HEATR5A: variants seen among roughly 807,000 people sequenced by gnomAD.
The protein encoded by HEATR5A is HEAT repeat-containing protein 5A.
HEATR5A carries 178 observed loss-of-function variants against 218.8 expected under a neutral mutation model. The observed-to-expected ratio is 0.81, with a 90% CI of 0.72 to 0.92. HEATR5A has a LOEUF of 0.92. Among genes scored for constraint, HEATR5A ranks in the 40% least tolerant of loss-of-function variants. HEATR5A has a pLI of 0.00. For synonymous variants in HEATR5A, 864 were observed against 871.6 expected (o/e 0.99, Z 0.15); for missense variants, 2,420 against 2,418.9 (o/e 1.00, Z -0.01).
rs1407357877 is a variant in HEATR5A, at chr14:31,304,964, C to A, written c.5180G>T (p.Arg1727Ile). ...GATAACCAATGCAGCTGAAACCAAT[C>A]TACTTCCATCTTCTAATAGTATCTG... is the stretch of plus-strand genomic sequence containing the variant. ...KPQILLEDGS[R>I]LVSAALVILS... Residue 1727 changes from arginine to isoleucine, a missense_variant, in exon 32 of 36, where the codon AGA becomes ATA. Arg to Ile is a moderately conservative substitution (Grantham distance 97). Coordinates refer to ENST00000543095, the MANE Select transcript of HEATR5A (RefSeq NM_015473.4). The A allele has an allele frequency of 6.2e-7, 1 of 1,614,028 alleles. No individual in the cohort carries two copies. Among genetic ancestry groups the A allele is most frequent in the Non-Finnish European group, 8.5e-7 (1 of 1,179,878 alleles).
chr14:31,347,965 A>T (rs1901075963), intron 18 of HEATR5A, 58 bp from the exon 19 acceptor site: 6 of 1,116,628 alleles, frequency 5.4e-6, no homozygotes, highest in Non-Finnish European at 6.0e-6. Context: ...AAAACACAAA[A>T]ACTAATGCAT....
At chr14:31,383,089 T>C (rs1042877782) in intron 10 of HEATR5A, among the ~76,000 whole-genome samples, 6 of 152,114 alleles carry the variant, frequency 3.9e-5, no homozygotes, top group African/African-American at 1.2e-4. Context: ...CTTTTCACTG[T>C]ACAAAAGGAG....
At chr14:31,359,285 A>AGTGTGTGTGTGTGTGTGT (rs1901535212) in intron 14 of HEATR5A, among the ~76,000 whole-genome samples, 2 of 12,570 alleles carry the variant, frequency 1.6e-4, no homozygotes, top group African/African-American at 3.0e-4. Flanking sequence ...TCAAAGTGTA[A>AGTGTGTGTGTGTGTGTGT]GAGTGTGTGT....
chr14:31,407,534 T>C (rs541195504), intron 1 of HEATR5A, among the ~76,000 whole-genome samples: 1 of 120,102 alleles, frequency 8.3e-6, no homozygotes, highest in South Asian at 2.6e-4. Flanking sequence ...CTAAGCAAAC[T>C]GTTCCAAGGA....
rs536393624 is a variant in HEATR5A at position 31,365,582 on chromosome 14, G to A, written c.1962-1284C>T. Among the ~76,000 whole-genome samples, 9 of 151,408 alleles carry A rather than the reference G, an allele frequency of 5.9e-5. No homozygotes were observed. In the East Asian group the frequency reaches 1.4e-3, roughly 23 times the overall value. On this transcript the variant is annotated intron_variant, in intron 13 of 35. Transcript: ENST00000543095. ...TCACCATGTTAGCCAGGATGGTCTC[G>A]ATCTCCTGACCTCGTGATGCACCCA...
intron 34 of HEATR5A, 68 bp from the exon 35 acceptor site, chr14:31,294,172 T>C (rs1474930637): frequency 4.7e-6 from 5 of 1,074,992 alleles, no homozygotes; most frequent in Middle Eastern, 2.9e-4. Flanking sequence ...TGAGGACTCT[T>C]TGCTTTTTAA....
intron 14 of HEATR5A, among the ~76,000 whole-genome samples, chr14:31,363,778 C>T (rs1265782403): frequency 3.3e-5 from 5 of 152,060 alleles, no homozygotes; most frequent in African/African-American, 4.8e-5. Flanking sequence ...CCCAGGAATT[C>T]GAGACCAGCT....
intron 32 of HEATR5A, chr14:31,302,840 C>T: frequency 4.0e-6 from 1 of 249,356 alleles, no homozygotes. Flanking sequence ...ATATATACAA[C>T]ATAAAGTTTA....
chr14:31,393,519 A>T (rs1488904964), intron 6 of HEATR5A, among the ~76,000 whole-genome samples: 3 of 152,198 alleles, frequency 2.0e-5, no homozygotes, highest in African/African-American at 7.2e-5. Flanking sequence ...CACACAAAAA[A>T]GCTGTAATGT....
rs2030466888 is a variant in HEATR5A, at chr14:31,391,856, CA to C, written c.772+2195del. On this transcript the variant is annotated intron_variant, in intron 6 of 35. Coordinates refer to ENST00000543095, the MANE Select transcript of HEATR5A (RefSeq NM_015473.4). ...GCTGTAGAGGTGTGTAGTCTAAGAG[CA>C]ATAGTCTATACCATATAGCCTAGTG... 3.3e-5 allele frequency among the ~76,000 whole-genome samples: 5 copies of C among 152,256 alleles called. No individual in the cohort carries two copies. The South Asian group carries it at 1.0e-3, about 32-fold the overall frequency.
chr14:31,337,675 AATAG>A, intron 21 of HEATR5A, 61 bp from the exon 22 acceptor site: 1 of 1,449,834 alleles, frequency 6.9e-7, no homozygotes, highest in African/African-American at 1.4e-5. Flanking sequence ...CAGTGAGTCT[AATAG>A]ATATTCACTG....
intron 22 of HEATR5A, among the ~76,000 whole-genome samples, chr14:31,335,002 T>C (rs1900605948): frequency 6.6e-6 from 1 of 150,874 alleles, no homozygotes; most frequent in South Asian, 2.1e-4. Context: ...CTCAAACCTT[T>C]AGCAACCACC....
intron 22 of HEATR5A, among the ~76,000 whole-genome samples, chr14:31,332,637 A>G (rs1292710146): frequency 1.3e-5 from 2 of 152,230 alleles, no homozygotes; most frequent in African/African-American, 4.8e-5. Flanking sequence ...TCCAGTGAAC[A>G]CACAAATGAT....
intron 1 of HEATR5A, among the ~76,000 whole-genome samples, chr14:31,416,797 T>G (rs529539399): frequency 6.6e-6 from 1 of 152,222 alleles, no homozygotes; most frequent in South Asian, 2.1e-4. Flanking sequence ...ATCACTAGAT[T>G]CCTGTTTAAA....
chr14:31,379,710 T>C (rs2139270473), intron 11 of HEATR5A, among the ~76,000 whole-genome samples: 1 of 152,252 alleles, frequency 6.6e-6, no homozygotes, highest in South Asian at 2.1e-4. Flanking sequence ...TGCCAACACT[T>C]TGGGAGGCCA....
intron 32 of HEATR5A, 82 bp downstream of exon 32, chr14:31,304,823 A>C (rs1158806604): frequency 2.8e-5 from 40 of 1,403,774 alleles, no homozygotes; most frequent in Non-Finnish European, 3.7e-5. Context: ...TTAAAAAGAA[A>C]AAGATTAGCA....
At chr14:31,340,886 G>C (rs1900817543) in intron 21 of HEATR5A, among the ~76,000 whole-genome samples, 1 of 152,174 alleles carries the variant, frequency 6.6e-6, no homozygotes, top group South Asian at 2.1e-4. Context: ...GTTAATTATA[G>C]TTTAACTCTT....
At chr14:31,315,533 G>A (rs1454723738) in intron 27 of HEATR5A, among the ~76,000 whole-genome samples, 1 of 152,192 alleles carries the variant, frequency 6.6e-6, no homozygotes, top group Admixed American at 6.5e-5. Context: ...GCTACTGTAA[G>A]TCTCTCTGGC....
At chr14:31,302,718 C>G (rs1177697524) in intron 32 of HEATR5A, 199 bp from the exon 33 acceptor site, 1 of 527,532 alleles carries the variant, frequency 1.9e-6, no homozygotes, top group Non-Finnish European at 3.3e-6. Context: ...ATGGTTATAA[C>G]TGGAGATTAC....
Sources: allele counts gnomAD v4.1 joint callset (sites outside exome capture counted in the v4.1 genomes callset), GRCh38; gene constraint gnomAD v4.1.1; transcripts MANE v1.5; gene names NCBI Gene and HGNC (gene_info 2026-07-23, HGNC 2026-07-21).